The following FCSK variants were observed in gnomAD, a reference collection of about 807,000 sequenced individuals.
FCSK encodes the protein L-fucose kinase.
Under a neutral mutation model 122.5 loss-of-function variants are expected in FCSK, and 123 were observed. The ratio of observed to expected loss-of-function variants is 1.00; its 90% CI spans 0.87 to 1.17. The LOEUF (loss-of-function observed/expected upper bound fraction) is 1.17. FCSK is among the 50% of genes most tolerant of loss of function. The pLI, the probability that FCSK is intolerant of heterozygous loss-of-function variation, is 0.00. For synonymous variants in FCSK, 620 were observed against 625.5 expected (o/e 0.99, Z 0.13); for missense variants, 1,366 against 1,450.4 (o/e 0.94, Z 0.95).
At chr16:70,460,226 C>G (rs144611998) in intron 1 of FCSK, among the ~76,000 whole-genome samples, 5,105 of 151,306 alleles carry the variant, frequency 0.034, 299 homozygotes, top group African/African-American at 0.12. Context: ...ATTCTCTTGC[C>G]TCAGCCTCCC....
intron 3 of FCSK, 61 bp downstream of exon 3, chr16:70,463,835 G>T: frequency 6.6e-7 from 1 of 1,516,126 alleles, no homozygotes. Context: ...GGTCATTTCT[G>T]AGATCCCCAG....
In FCSK at chr16:70,461,526, T is replaced by G. The variant is rs17883103; in HGVS notation, c.-22-1643T>G. ...TTCCCCCTACTTGCTGAGAGTGCCC[T>G]GGAGGAAGATGGCGGGCAGGTAGGG... is the stretch of plus-strand genomic sequence containing the variant. On this transcript the variant is annotated intron_variant, in intron 1 of 23. Coordinates refer to ENST00000288078, the MANE Select transcript of FCSK (RefSeq NM_145059.3). Among the ~76,000 whole-genome samples, 1,470 of 152,180 alleles carry G rather than the reference T, an allele frequency of 9.7e-3. 31 individuals are homozygous for G. The highest frequency in any genetic ancestry group is 0.033 in the African/African-American group (1,385 of 41,500).
At chr16:70,463,074 A>G (rs922951149) in intron 1 of FCSK, 95 bp from the exon 2 acceptor site, 1 of 754,176 alleles carries the variant, frequency 1.3e-6, no homozygotes, top group Middle Eastern at 2.8e-4. Flanking sequence ...ACGAATCTAT[A>G]CACATGTTAA....
Position 70,478,410 on chromosome 16 carries a change from T to C in FCSK, c.2780T>C (p.Leu927Pro). Residue 927 changes from leucine to proline, a missense_variant, in exon 21 of 24, where the codon CTG (leucine) becomes CCG (proline). Coordinates refer to ENST00000288078, the MANE Select transcript of FCSK (RefSeq NM_145059.3). Reference protein sequence around the residue: ...EGFVQKLNDHLLLVYTGKTRL... With the variant: ...EGFVQKLNDHPLLVYTGKTRL... Reference sequence around the variant, plus strand: ...TTTGTCCAGAAGCTCAATGACCACCTGCTCTTGGTGTACACTGGCAAGACC... The same window carrying C: ...TTTGTCCAGAAGCTCAATGACCACCCGCTCTTGGTGTACACTGGCAAGACC... The C allele has an allele frequency of 6.2e-7, 1 of 1,614,194 alleles. No homozygotes were observed. Among genetic ancestry groups the C allele is most frequent in the South Asian group, 1.1e-5 (1 of 91,090 alleles).
At chr16:70,469,600 C>A (rs562606097) in intron 10 of FCSK, among the ~76,000 whole-genome samples, 38 of 152,238 alleles carry the variant, frequency 2.5e-4, no homozygotes, top group African/African-American at 8.7e-4. Context: ...GTCGCCCCGG[C>A]TAGAGTGAGG....
rs17885061 is a variant in FCSK at position 70,461,389 on chromosome 16, C to T, written c.-22-1780C>T. 6.6e-3 allele frequency among the ~76,000 whole-genome samples: 986 copies of T among 150,402 alleles called. 18 individuals carry two copies. Among genetic ancestry groups the T allele is most frequent in the African/African-American group, 0.023 (934 of 40,780 alleles). ...AATGTGTGGGTACTCCTGGGGGACT[C>T]GGTCTCGGGGAGGCCAGGGGCTCAG... On this transcript the variant is annotated intron_variant, in intron 1 of 23. Transcript: ENST00000288078.
intron 1 of FCSK, among the ~76,000 whole-genome samples, chr16:70,457,189 ATG>A (rs2048117117): frequency 6.6e-6 from 1 of 152,026 alleles, no homozygotes; most frequent in African/African-American, 2.4e-5. Flanking sequence ...TCACCTGCCC[ATG>A]TCTCTCTATC....
intron 5 of FCSK, 167 bp downstream of exon 5, chr16:70,466,424 G>C (rs899337249): frequency 2.5e-6 from 2 of 793,060 alleles, no homozygotes; most frequent in Non-Finnish European, 3.9e-6. Context: ...TGGGGGCAGT[G>C]GCTCATGCCT....
At chr16:70,456,142 G>A (rs569010744) in intron 1 of FCSK, among the ~76,000 whole-genome samples, 15 of 152,302 alleles carry the variant, frequency 9.8e-5, no homozygotes, top group South Asian at 6.2e-4. Flanking sequence ...ACTGCGTTCC[G>A]CCCTCTGGTG....
At chr16:70,469,434 C>A in intron 10 of FCSK, 111 bp downstream of exon 10, 1 of 1,031,186 alleles carries the variant, frequency 9.7e-7, no homozygotes, top group Non-Finnish European at 1.4e-6. Context: ...AGGGACTGGG[C>A]AGTTCTCCTG....
At chr16:70,454,827 C>T (rs1222632469) in intron 1 of FCSK, 197 bp downstream of exon 1, 1 of 152,228 alleles carries the variant, frequency 6.6e-6, no homozygotes, top group African/African-American at 2.4e-5. Context: ...CTCCCGCGTC[C>T]ATTTGGCCTG....
At chr16:70,455,390 CG>C (rs1400519380) in intron 1 of FCSK, among the ~76,000 whole-genome samples, 1 of 152,038 alleles carries the variant, frequency 6.6e-6, no homozygotes, top group Non-Finnish European at 1.5e-5. Flanking sequence ...GAGGCTGAGG[CG>C]AGGGAATCGC....
chr16:70,474,427 G>A, intron 16 of FCSK, 88 bp downstream of exon 16: 2 of 1,549,722 alleles, frequency 1.3e-6, no homozygotes, highest in Non-Finnish European at 1.7e-6. Context: ...GAGAGAGGTG[G>A]GGCTCCCTTG....
At chr16:70,456,614 A>G (rs1203721967) in intron 1 of FCSK, among the ~76,000 whole-genome samples, 1 of 152,208 alleles carries the variant, frequency 6.6e-6, no homozygotes, top group African/African-American at 2.4e-5. Flanking sequence ...ATTATCATTC[A>G]TTGAGCCACT....
chr16:70,467,660 G>A (rs767114555), intron 7 of FCSK, 189 bp downstream of exon 7: 6 of 633,186 alleles, frequency 9.5e-6, no homozygotes, highest in South Asian at 1.9e-5. Context: ...CACACCGACC[G>A]CCTGTCCAGT....
Position 70,463,683 on chromosome 16 carries a change from A to T in FCSK, c.143A>T (p.Glu48Val), listed in dbSNP as rs550622605. 1 of 1,613,220 alleles carries T rather than the reference A, an allele frequency of 6.2e-7. No individual in the cohort carries two copies. The highest frequency in any genetic ancestry group is 2.2e-5 in the East Asian group (1 of 44,872). Residue 48 changes from glutamate to valine, a missense_variant, in exon 3 of 24, where the codon GAG becomes GTG. By Grantham distance (121) the Glu-to-Val change is moderately radical. Transcript: ENST00000288078. Reference protein sequence around the residue: ...IPAGTLLLAVEDPEKRVGSGG... With the variant: ...IPAGTLLLAVVDPEKRVGSGG... ...GCTGGGACGCTGTTACTGGCCGTGG[A>T]GGACCCAGAGAAGCGTGTGGGCAGC...
In FCSK at chr16:70,474,257, C is replaced by T. The variant is rs768950026; in HGVS notation, c.1906C>T (p.Arg636Trp). The change falls in exon 16 of 24, where the codon CGG becomes TGG. Residue 636 changes from arginine (R) to tryptophan (W), a missense_variant. Coordinates refer to ENST00000288078, the MANE Select transcript of FCSK (RefSeq NM_145059.3). Reference protein sequence around the residue: ...SGPAANPEWMRPFSYLECGDL... With the variant: ...SGPAANPEWMWPFSYLECGDL... ...GCCAGCTGCCAACCCTGAGTGGATG[C>T]GGCCCTTCTCATACCTGGAGTGTGG... 73 of 1,611,986 alleles carry T rather than the reference C, an allele frequency of 4.5e-5. No homozygotes were observed. The highest frequency in any genetic ancestry group is 1.2e-4 in the South Asian group (11 of 90,708).
At chr16:70,462,711 C>T in intron 1 of FCSK, among the ~76,000 whole-genome samples, 1 of 152,146 alleles carries the variant, frequency 6.6e-6, no homozygotes, top group East Asian at 1.9e-4. Context: ...GTGGCGCGAT[C>T]TTGGCCCACT....
chr16:70,464,985 G>T, intron 3 of FCSK, 141 bp from the exon 4 acceptor site: 1 of 1,543,252 alleles, frequency 6.5e-7, no homozygotes, highest in Non-Finnish European at 8.8e-7. Context: ...TTGTCTGCCT[G>T]TGGCCATTGG....
Sources: gnomAD v4.1 joint callset for allele counts (sites outside exome capture counted in the v4.1 genomes callset) on GRCh38, gnomAD v4.1.1 for gene constraint, MANE v1.5 for transcripts, NCBI Gene and HGNC (gene_info 2026-07-23, HGNC 2026-07-21) for gene names.